Variants in C1QTNF7 observed in about 807,000 individuals in gnomAD.
C1QTNF7 encodes complement C1q tumor necrosis factor-related protein 7.
A neutral mutation model predicts 19.6 loss-of-function variants in C1QTNF7; 15 were observed. That is an observed-to-expected ratio of 0.76 (90% CI 0.51 to 1.18). C1QTNF7 has a LOEUF of 1.18. C1QTNF7 is among the 50% of genes most tolerant of loss of function. The pLI is 0.00. For missense variants in C1QTNF7, 324 were observed against 359.7 expected, an observed-to-expected ratio of 0.90 and a Z score of 0.80; for synonymous variants, 142 against 137.5, an observed-to-expected ratio of 1.03 and a Z score of -0.23.
At chr4:15,358,887 C>T (rs928689042) in intron 1 of C1QTNF7, among the ~76,000 whole-genome samples, 7 of 152,206 alleles carry the variant, frequency 4.6e-5, no homozygotes, top group African/African-American at 1.7e-4. Context: ...TAGGAGTGGA[C>T]AGAGTAGGAT....
intron 1 of C1QTNF7, among the ~76,000 whole-genome samples, chr4:15,415,006 C>T (rs185322625): frequency 2.6e-4 from 40 of 152,300 alleles, no homozygotes; most frequent in Non-Finnish European, 4.9e-4. Flanking sequence ...AACATGAGTG[C>T]GCATACCCTT....
At chr4:15,379,188 G>T (rs185065068) in intron 1 of C1QTNF7, among the ~76,000 whole-genome samples, 1 of 152,048 alleles carries the variant, frequency 6.6e-6, no homozygotes, top group Non-Finnish European at 1.5e-5. Context: ...ACAAGTTCCC[G>T]AGTTAAGATT....
At chr4:15,426,074 G>A (rs573557409), upstream of C1QTNF7, among the ~76,000 whole-genome samples, 72 of 152,272 alleles carry the variant, frequency 4.7e-4, 1 homozygote, top group African/African-American at 1.7e-3. Context: ...AAACTGTTAG[G>A]TGCTCTGGGA....
intron 1 of C1QTNF7, among the ~76,000 whole-genome samples, chr4:15,375,845 A>T (rs1034441427): frequency 2.6e-5 from 4 of 152,216 alleles, no homozygotes; most frequent in African/African-American, 9.7e-5. Flanking sequence ...TCTAGTTGAC[A>T]TCTGACTTCC....
intron 1 of C1QTNF7, among the ~76,000 whole-genome samples, chr4:15,376,982 T>C (rs959778299): frequency 3.3e-5 from 5 of 152,240 alleles, no homozygotes. Flanking sequence ...GGCCCACACC[T>C]GCCCTTTGGG....
chr4:15,442,395 A>G lies in C1QTNF7; in HGVS notation c.466A>G (p.Thr156Ala). 1 of 1,614,150 alleles carries G rather than the reference A, an allele frequency of 6.2e-7. No homozygotes were observed. The highest frequency in any genetic ancestry group is 8.5e-7 in the Non-Finnish European group (1 of 1,180,024). Residue 156 changes from threonine (T) to alanine (A), a missense_variant, in exon 3 of 3, where the codon ACC becomes GCC. Transcript: ENST00000444304. Reference protein sequence around the residue: ...LKSAFSVGITTSYPEERLPII... With the variant: ...LKSAFSVGITASYPEERLPII... Reference sequence around the variant, plus strand: ...ATCCGCCTTTTCTGTTGGCATCACAACCAGCTACCCAGAAGAAAGACTACC... The same window carrying G: ...ATCCGCCTTTTCTGTTGGCATCACAGCCAGCTACCCAGAAGAAAGACTACC...
At chr4:15,365,767 T>A (rs185563865) in intron 1 of C1QTNF7, among the ~76,000 whole-genome samples, 1 of 152,190 alleles carries the variant, frequency 6.6e-6, no homozygotes, top group South Asian at 2.1e-4. Flanking sequence ...AGATGACCAA[T>A]GATAGGCTTC....
At chr4:15,419,280 A>G (rs1268769380) in intron 1 of C1QTNF7, among the ~76,000 whole-genome samples, 1 of 152,234 alleles carries the variant, frequency 6.6e-6, no homozygotes. Flanking sequence ...ATAAAGGCTT[A>G]TGCACAAAAC....
intron 1 of C1QTNF7, among the ~76,000 whole-genome samples, chr4:15,405,910 G>A (rs1719179273): frequency 6.6e-6 from 1 of 152,136 alleles, no homozygotes; most frequent in Non-Finnish European, 1.5e-5. Flanking sequence ...CCCTGCTGCA[G>A]TGCCTTTCAG....
intron 1 of C1QTNF7, among the ~76,000 whole-genome samples, chr4:15,388,946 G>T (rs998829811): frequency 6.6e-5 from 10 of 152,184 alleles, no homozygotes; most frequent in Admixed American, 6.5e-4. Flanking sequence ...GGAGCAGGGA[G>T]GTCACCCATA....
At chr4:15,363,481 C>T (rs1460377363) in intron 1 of C1QTNF7, among the ~76,000 whole-genome samples, 1 of 152,142 alleles carries the variant, frequency 6.6e-6, no homozygotes, top group Non-Finnish European at 1.5e-5. Context: ...GGATCAATAG[C>T]AAACTACACA....
At chr4:15,367,437 C>T (rs1560344159) in intron 1 of C1QTNF7, among the ~76,000 whole-genome samples, 1 of 152,158 alleles carries the variant, frequency 6.6e-6, no homozygotes, top group Non-Finnish European at 1.5e-5. Flanking sequence ...CATCATTACC[C>T]AGTACTACCA....
In C1QTNF7 at chr4:15,344,574, C is replaced by G. The variant is rs184596974; in HGVS notation, c.13+4367C>G. ...GGAAGGGTAGGAGGGGCTAGTTGAC[C>G]TCTGAGGTCTCTCTGACTTCTCACA... On this transcript the variant is annotated intron_variant, in intron 1 of 2. Coordinates refer to the C1QTNF7 transcript ENST00000295297. 1.7e-3 allele frequency among the ~76,000 whole-genome samples: 258 copies of G among 152,300 alleles called. 1 individual carries two copies. Among genetic ancestry groups the G allele is most frequent in the African/African-American group, 5.8e-3 (242 of 41,558 alleles).
chr4:15,401,222 G>A (rs1016382079), intron 1 of C1QTNF7, among the ~76,000 whole-genome samples: 8 of 152,152 alleles, frequency 5.3e-5, no homozygotes, highest in African/African-American at 1.9e-4. Flanking sequence ...GATAGTCTCT[G>A]ATGAGGAGAC....
At chr4:15,369,912 G>A (rs531635434) in intron 1 of C1QTNF7, among the ~76,000 whole-genome samples, 2 of 152,266 alleles carry the variant, frequency 1.3e-5, no homozygotes, top group African/African-American at 4.8e-5. Context: ...GCATCAGGTA[G>A]AGATTTAAGA....
In C1QTNF7 at chr4:15,410,518, A is replaced by T. The variant is rs11934015; in HGVS notation, c.14-25218A>T. On this transcript the variant is annotated intron_variant, in intron 1 of 2. Coordinates refer to the C1QTNF7 transcript ENST00000295297. Reference sequence around the variant, plus strand: ...TCAACTAACTGCATAATATTCCACTAAGTGACTAACCCACAATATATTTAA... The same window carrying T: ...TCAACTAACTGCATAATATTCCACTTAGTGACTAACCCACAATATATTTAA... Among the ~76,000 whole-genome samples the T allele has an allele frequency of 6.2e-3, 938 of 152,144 alleles. 3 individuals carry two copies. The highest frequency in any genetic ancestry group is 0.011 in the Non-Finnish European group (745 of 67,994).
intron 1 of C1QTNF7, among the ~76,000 whole-genome samples, chr4:15,396,779 G>A (rs1172022846): frequency 1.3e-5 from 2 of 152,090 alleles, no homozygotes; most frequent in East Asian, 3.9e-4. Flanking sequence ...GGTTTCCTGG[G>A]TGGCTTTCCA....
intron 1 of C1QTNF7, among the ~76,000 whole-genome samples, chr4:15,428,830 G>C (rs904631868): frequency 6.6e-6 from 1 of 152,218 alleles, no homozygotes; most frequent in Non-Finnish European, 1.5e-5. Context: ...TGCAGGCCAA[G>C]AAAATGTCCC....
intron 1 of C1QTNF7, among the ~76,000 whole-genome samples, chr4:15,370,472 C>T (rs1560345126): frequency 6.6e-6 from 1 of 152,158 alleles, no homozygotes; most frequent in Non-Finnish European, 1.5e-5. Flanking sequence ...TAATTAGGAA[C>T]TCTGCCTACA....
Sources: gnomAD v4.1 joint callset for allele counts (sites outside exome capture counted in the v4.1 genomes callset) on GRCh38, gnomAD v4.1.1 for gene constraint, MANE v1.5 for transcripts, NCBI Gene and HGNC (gene_info 2026-07-23, HGNC 2026-07-21) for gene names.